Variants in BCLAF1 observed in about 807,000 individuals in gnomAD.
BCLAF1 encodes the protein BCL2 associated transcription factor 1, also known as bcl-2-associated transcription factor 1.
In BCLAF1, 10 loss-of-function variants were observed where a neutral mutation model predicts 99.5. The observed-to-expected ratio is 0.10, with a 90% confidence interval of 0.06 to 0.17. BCLAF1 has a LOEUF of 0.17. Among genes scored for constraint, BCLAF1 ranks in the 10% least tolerant of loss-of-function variants. The pLI, the probability that BCLAF1 is intolerant of heterozygous loss-of-function variation, is 1.00. For synonymous variants in BCLAF1, 255 were observed against 370.9 expected, an observed-to-expected ratio of 0.69 and a Z score of 3.59; for missense variants, 636 against 1,105.8, an observed-to-expected ratio of 0.58 and a Z score of 6.02.
intron 11 of BCLAF1, among the ~76,000 whole-genome samples, chr6:136,265,579 T>G (rs1000116163): frequency 6.6e-5 from 10 of 152,172 alleles, no homozygotes; most frequent in African/African-American, 1.2e-4. Flanking sequence ...TGACTCCTTG[T>G]ACTCAATTTT....
rs540472527 is a variant in BCLAF1, at chr6:136,282,605, G to C, written c.-32C>G. 2.0e-5 allele frequency: 3 copies of C among 152,242 alleles called. No individual in the cohort carries two copies. In the South Asian group the frequency reaches 6.2e-4, roughly 32 times the overall value. The allele number at this position is 152,242 out of a possible 1,614,324, so 9.4% of individuals were successfully genotyped here. ...TTACCTTGGTTTTATGCAGGATCAA[G>C]AAGTCAAGTGAAGTCTTTGAGATAC... is the stretch of plus-strand genomic sequence containing the variant. On this transcript the variant is annotated 5_prime_UTR_variant, in exon 2 of 13. Transcript: ENST00000531224.
intron 2 of BCLAF1, among the ~76,000 whole-genome samples, chr6:136,280,653 A>C (rs1297538470): frequency 6.6e-6 from 1 of 152,244 alleles, no homozygotes; most frequent in Non-Finnish European, 1.5e-5. Flanking sequence ...TAAACACTAC[A>C]TGGTATCCAA....
chr6:136,269,002 T>C (rs193072804), intron 9 of BCLAF1: 15 of 559,450 alleles, frequency 2.7e-5, no homozygotes, highest in Non-Finnish European at 2.4e-5. Context: ...GAAAGACTAA[T>C]ACACATTGCT....
intron 4 of BCLAF1, among the ~76,000 whole-genome samples, chr6:136,276,881 C>A (rs1221009510): frequency 1.3e-5 from 2 of 152,100 alleles, no homozygotes; most frequent in African/African-American, 4.8e-5. Flanking sequence ...TGATAATTAT[C>A]CCCAAAATTC....
rs371141670 is a variant in BCLAF1, at chr6:136,261,500, T to C, written c.2545-23A>G. 10 of 1,598,620 alleles carry C rather than the reference T, an allele frequency of 6.3e-6. No homozygotes were observed. The South Asian group carries it at 1.1e-4, about 18-fold the overall frequency. ...ATGCTACAGAAAGGTTAAAAACAAT[T>C]GTCAATGAAATGTTTCTTGTAAAGA... is the stretch of plus-strand genomic sequence containing the variant. On this transcript the variant is annotated intron_variant, in intron 11 of 12. Coordinates refer to ENST00000531224, the MANE Select transcript of BCLAF1 (RefSeq NM_014739.3).
intron 3 of BCLAF1, 51 bp downstream of exon 3, chr6:136,279,712 C>A: frequency 7.1e-7 from 1 of 1,410,254 alleles, no homozygotes; most frequent in South Asian, 1.7e-5. Flanking sequence ...ACTCATTCAA[C>A]AAGTATTAAC....
chr6:136,270,117 T>TA (rs890298174), intron 8 of BCLAF1, among the ~76,000 whole-genome samples: 310 of 141,640 alleles, frequency 2.2e-3, no homozygotes, highest in Middle Eastern at 3.5e-3. Context: ...ACCAACCCAA[T>TA]AAAAAAAAAA....
intron 2 of BCLAF1, 138 bp from the exon 3 acceptor site, chr6:136,280,014 T>G: frequency 1.9e-6 from 2 of 1,066,080 alleles, no homozygotes; most frequent in Non-Finnish European, 2.4e-6. Context: ...TTCAAATCAG[T>G]ATTCAGAAGA....
At chr6:136,285,756 A>G (rs1477586813) in intron 1 of BCLAF1, among the ~76,000 whole-genome samples, 1 of 152,250 alleles carries the variant, frequency 6.6e-6, no homozygotes, top group Non-Finnish European at 1.5e-5. Context: ...CTTTCATGAA[A>G]TAATACATAA....
intron 10 of BCLAF1, 45 bp downstream of exon 10, chr6:136,268,117 A>T (rs771330886): frequency 6.7e-7 from 1 of 1,484,586 alleles, no homozygotes; most frequent in Non-Finnish European, 9.0e-7. Flanking sequence ...ACAGTACTCT[A>T]AGATAAACTC....
chr6:136,289,506 T>C (rs1785671610), intron 1 of BCLAF1, among the ~76,000 whole-genome samples: 1 of 152,238 alleles, frequency 6.6e-6, no homozygotes, highest in Non-Finnish European at 1.5e-5. Context: ...CCGTTAGCAC[T>C]GCTCAGCGCC....
intron 11 of BCLAF1, among the ~76,000 whole-genome samples, chr6:136,263,717 G>C (rs1473234871): frequency 6.6e-6 from 1 of 152,018 alleles, no homozygotes; most frequent in Non-Finnish European, 1.5e-5. Context: ...CCCCACCAAC[G>C]ATTTTCTCTT....
intron 1 of BCLAF1, among the ~76,000 whole-genome samples, chr6:136,282,896 A>G (rs1257900822): frequency 6.6e-6 from 1 of 152,098 alleles, no homozygotes; most frequent in Non-Finnish European, 1.5e-5. Flanking sequence ...GCGTATCATG[A>G]AACTGACAGC....
chr6:136,260,982 A>G lies in BCLAF1; in HGVS notation c.*128T>C. ...AAGATATTTGAAGACTTAAAACAAAATTTCTATAGACTACTTGCAAACAGT... is the reference window on the plus strand; with the variant it reads ...AAGATATTTGAAGACTTAAAACAAAGTTTCTATAGACTACTTGCAAACAGT... On this transcript the variant is annotated 3_prime_UTR_variant, in exon 13 of 13. Transcript: ENST00000531224. 1.9e-6 allele frequency: 2 copies of G among 1,042,286 alleles called. No homozygotes were observed. Among genetic ancestry groups the G allele is most frequent in the East Asian group, 2.7e-5 (1 of 37,566 alleles). The allele number at this position is 1,042,286 out of a possible 1,614,324, so 64.6% of individuals were successfully genotyped here. A position where few individuals can be genotyped will look rare whatever the true frequency, so the allele number is the denominator to read the frequency against.
At position 136,268,340 on chromosome 6, in the gene BCLAF1, C is replaced by T. The variant is rs1167949692; in HGVS notation, c.2220-1G>A. 5 of 1,590,928 alleles carry T rather than the reference C, an allele frequency of 3.1e-6. No homozygotes were observed. In the African/African-American group the frequency reaches 5.5e-5, roughly 17 times the overall value. ...ATGATCTTGCTCTCTTTTATGTTTA[C>T]TGCAAAATAAAGAAAACAAAAAATG... is the stretch of plus-strand genomic sequence containing the variant. On this transcript the variant is annotated splice_acceptor_variant, in intron 9 of 12. Transcript: ENST00000531224. LOFTEE classifies it high-confidence loss of function.
intron 11 of BCLAF1, among the ~76,000 whole-genome samples, chr6:136,265,163 A>T (rs1207205129): frequency 5.3e-5 from 8 of 151,924 alleles, no homozygotes; most frequent in Admixed American, 5.2e-4. Context: ...ACTCTCTCTC[A>T]CTTTTCACCC....
rs1780568950 is a variant in BCLAF1, at chr6:136,258,087, T to C, written c.*3023A>G. 1 of 152,140 alleles carries C rather than the reference T, an allele frequency of 6.6e-6. No individual in the cohort carries two copies. Among genetic ancestry groups the C allele is most frequent in the Admixed American group, 6.5e-5 (1 of 15,280 alleles). 9.4% of individuals were successfully genotyped at this position (152,140 alleles called of 1,614,324 possible). ...TTGTATGAGTCAAAATGTGTCAGTTTGTCTTAGTACACAAATTTCTGTGAA... is the reference window on the plus strand; with the variant it reads ...TTGTATGAGTCAAAATGTGTCAGTTCGTCTTAGTACACAAATTTCTGTGAA... On this transcript the variant is annotated 3_prime_UTR_variant, in exon 13 of 13. Transcript: ENST00000531224.
At chr6:136,284,544 C>T (rs995286401) in intron 1 of BCLAF1, among the ~76,000 whole-genome samples, 2 of 152,020 alleles carry the variant, frequency 1.3e-5, no homozygotes, top group Admixed American at 6.6e-5. Flanking sequence ...ATCTAAATAC[C>T]AACCATGTGC....
chr6:136,267,092 T>C lies in BCLAF1; in HGVS notation c.2481A>G (p.Gln827=). Residue 827 remains glutamine, a synonymous_variant, in exon 11 of 13, where the codon CAA becomes CAG. Transcript: ENST00000531224. ...TGPNNSNTTF[Q]KRPKEEEWDP... is the part of the protein sequence containing the mutation. Reference sequence around the variant, plus strand: ...CCCATTCCTCTTCCTTCGGTCTCTTTTGAAAAGTAGTATTTGAGTTGTTTG... The same window carrying C: ...CCCATTCCTCTTCCTTCGGTCTCTTCTGAAAAGTAGTATTTGAGTTGTTTG... The C allele has an allele frequency of 1.2e-6, 2 of 1,613,300 alleles. No homozygotes were observed. The highest frequency in any genetic ancestry group is 1.7e-6 in the Non-Finnish European group (2 of 1,179,458).
Sources: gnomAD v4.1 joint callset for allele counts (sites outside exome capture counted in the v4.1 genomes callset) on GRCh38, gnomAD v4.1.1 for gene constraint, MANE v1.5 for transcripts, NCBI Gene and HGNC (gene_info 2026-07-23, HGNC 2026-07-21) for gene names.